Variants in PDE3A observed in about 807,000 individuals in gnomAD.
PDE3A encodes cGMP-inhibited 3',5'-cyclic phosphodiesterase 3A.
A neutral mutation model predicts 98.3 loss-of-function variants in PDE3A; 43 were observed. That is an observed-to-expected ratio of 0.44 (90% confidence interval 0.34 to 0.56). The LOEUF (loss-of-function observed/expected upper bound fraction) is 0.56. Ranked by LOEUF, PDE3A falls within the 20% of genes least tolerant of loss-of-function variation. PDE3A has a pLI of 0.01. For synonymous variants in PDE3A, 663 were observed against 567.9 expected (o/e 1.17, Z -2.38); for missense variants, 1,427 against 1,440.7 (o/e 0.99, Z 0.15).
chr12:20,507,222 G>A (rs752767166), intron 1 of PDE3A, among the ~76,000 whole-genome samples: 1 of 151,898 alleles, frequency 6.6e-6, no homozygotes, highest in Non-Finnish European at 1.5e-5. Flanking sequence ...ACCTGCATAC[G>A]AGTCCAAGTT....
intron 15 of PDE3A, among the ~76,000 whole-genome samples, chr12:20,666,810 G>A (rs1440368317): frequency 1.3e-5 from 2 of 152,272 alleles, no homozygotes; most frequent in East Asian, 1.9e-4. Context: ...GGGATTGCTA[G>A]ATCATATGGT....
At chr12:20,669,959 C>G (rs1404039938) in intron 15 of PDE3A, among the ~76,000 whole-genome samples, 1 of 152,038 alleles carries the variant, frequency 6.6e-6, no homozygotes, top group African/African-American at 2.4e-5. Flanking sequence ...AAACCCATCT[C>G]ACGTGCAGAC....
intron 1 of PDE3A, among the ~76,000 whole-genome samples, chr12:20,448,822 A>T (rs1945008719): frequency 6.9e-6 from 1 of 145,524 alleles, no homozygotes; most frequent in Non-Finnish European, 1.5e-5. Context: ...GGGTTCAAGC[A>T]GTCCCCACGC....
intron 1 of PDE3A, among the ~76,000 whole-genome samples, chr12:20,457,848 T>C (rs1241176716): frequency 6.6e-6 from 1 of 152,032 alleles, no homozygotes; most frequent in Non-Finnish European, 1.5e-5. Flanking sequence ...ACGTGTCACA[T>C]AGATTGCCAT....
At chr12:20,493,364 T>G (rs1591986922) in intron 1 of PDE3A, among the ~76,000 whole-genome samples, 1 of 152,212 alleles carries the variant, frequency 6.6e-6, no homozygotes, top group East Asian at 1.9e-4. Context: ...AGTACAACAA[T>G]AAAATAATAT....
At chr12:20,560,491 C>G (rs1565589352) in intron 2 of PDE3A, among the ~76,000 whole-genome samples, 1 of 151,964 alleles carries the variant, frequency 6.6e-6, no homozygotes. Context: ...CATTAGTGAA[C>G]TTTCAAAAAA....
chr12:20,558,204 CA>C lies in PDE3A; in HGVS notation c.1011+1506del, dbSNP rs148362338. On this transcript the variant is annotated intron_variant, in intron 2 of 15. Coordinates refer to ENST00000359062, the MANE Select transcript of PDE3A (RefSeq NM_000921.5). ...TGGTCACTATGTCAATATAAATTGA[CA>C]AAAAAAAAAAACCTCACAATTGTAC... 6.4e-3 allele frequency among the ~76,000 whole-genome samples: 820 copies of C among 128,836 alleles called. 8 individuals are homozygous for C. The highest frequency in any genetic ancestry group is 0.019 in the African/African-American group (643 of 34,454). The allele number at this position is 128,836 out of a possible 152,430, so 84.5% of individuals were successfully genotyped here.
intron 1 of PDE3A, among the ~76,000 whole-genome samples, chr12:20,545,983 G>C (rs1215864018): frequency 6.6e-6 from 1 of 151,982 alleles, no homozygotes; most frequent in Non-Finnish European, 1.5e-5. Context: ...GAGGAGCGGG[G>C]AGATGTGATG....
At chr12:20,428,812 C>A (rs374033856) in intron 1 of PDE3A, among the ~76,000 whole-genome samples, 9 of 152,092 alleles carry the variant, frequency 5.9e-5, no homozygotes, top group African/African-American at 2.2e-4. Context: ...TGTATAAATG[C>A]GTACCACTAT....
chr12:20,644,140 C>T (rs539250586), intron 10 of PDE3A, among the ~76,000 whole-genome samples: 6 of 152,238 alleles, frequency 3.9e-5, no homozygotes, highest in African/African-American at 1.4e-4. Context: ...CAACATATCT[C>T]CCAAAAGTGG....
chr12:20,390,049 G>A (rs1429898354), intron 1 of PDE3A, among the ~76,000 whole-genome samples: 1 of 151,918 alleles, frequency 6.6e-6, no homozygotes, highest in Non-Finnish European at 1.5e-5. Context: ...GTGTTGAAGA[G>A]CTGGACATCA....
Position 20,653,798 on chromosome 12 carries a change from C to A in PDE3A, c.2926-149C>A, listed in dbSNP as rs373219140. The A allele has an allele frequency of 1.1e-4, 83 of 762,136 alleles. 1 individual carries two copies. In the South Asian group the frequency reaches 1.5e-3, roughly 14 times the overall value. The allele number at this position is 762,136 out of a possible 1,614,324, so 47.2% of individuals were successfully genotyped here. On this transcript the variant is annotated intron_variant, in intron 14 of 15. Transcript: ENST00000359062. ...TCAAGTTCAGAAAAGTACTAATTAGCAACAGTGTTTCTATAGGAACCTTAG... is the reference window on the plus strand; with the variant it reads ...TCAAGTTCAGAAAAGTACTAATTAGAAACAGTGTTTCTATAGGAACCTTAG...
intron 1 of PDE3A, among the ~76,000 whole-genome samples, chr12:20,476,777 A>G (rs1394283045): frequency 6.6e-6 from 1 of 152,230 alleles, no homozygotes; most frequent in Non-Finnish European, 1.5e-5. Context: ...GAGCAAAAAG[A>G]TATGACAACA....
At chr12:20,457,653 G>A (rs1945175160) in intron 1 of PDE3A, among the ~76,000 whole-genome samples, 1 of 151,394 alleles carries the variant, frequency 6.6e-6, no homozygotes, top group Non-Finnish European at 1.5e-5. Context: ...AGGATATAAT[G>A]TCTGTATTCA....
At chr12:20,487,833 G>A (rs1047372685) in intron 1 of PDE3A, among the ~76,000 whole-genome samples, 2 of 152,048 alleles carry the variant, frequency 1.3e-5, no homozygotes, top group Non-Finnish European at 2.9e-5. Context: ...AAAAGCCAGA[G>A]AAATGCATGA....
In PDE3A at chr12:20,515,301, G is replaced by A. The variant is rs562950085; in HGVS notation, c.961-41359G>A. On this transcript the variant is annotated intron_variant, in intron 1 of 15. Transcript: ENST00000359062. Reference sequence around the variant, plus strand: ...GATACTGAAGAAATGGTTGTTGATAGTGATGATAATGTAATATACCACTAA... The same window carrying A: ...GATACTGAAGAAATGGTTGTTGATAATGATGATAATGTAATATACCACTAA... Among the ~76,000 whole-genome samples the A allele has an allele frequency of 2.6e-5, 4 of 152,358 alleles. No individual in the cohort carries two copies. The East Asian group carries it at 7.7e-4, about 29-fold the overall frequency.
intron 1 of PDE3A, among the ~76,000 whole-genome samples, chr12:20,435,475 A>G (rs1490117196): frequency 1.3e-5 from 2 of 152,072 alleles, no homozygotes; most frequent in African/African-American, 2.4e-5. Context: ...TCCTGGTTAT[A>G]CAACTGCTGG....
intron 15 of PDE3A, among the ~76,000 whole-genome samples, chr12:20,669,669 A>G (rs1036752348): frequency 1.3e-5 from 2 of 152,078 alleles, no homozygotes; most frequent in African/African-American, 4.8e-5. Flanking sequence ...TGTCACCACC[A>G]GGCCTGCCCT....
intron 1 of PDE3A, among the ~76,000 whole-genome samples, chr12:20,521,495 A>G (rs1192241129): frequency 2.0e-5 from 3 of 152,166 alleles, no homozygotes; most frequent in Non-Finnish European, 2.9e-5. Flanking sequence ...TGTGTTTCAT[A>G]GTGATTGGTA....
Sources: gnomAD v4.1 joint callset for allele counts (sites outside exome capture counted in the v4.1 genomes callset) on GRCh38, gnomAD v4.1.1 for gene constraint, MANE v1.5 for transcripts, NCBI Gene and HGNC (gene_info 2026-07-23, HGNC 2026-07-21) for gene names.